SERPINH1: variants seen among roughly 807,000 people sequenced by gnomAD.
SERPINH1 encodes the protein serpin H1.
SERPINH1 carries 22 observed loss-of-function variants against 32.3 expected under a neutral mutation model. The observed-to-expected ratio is 0.68, with a 90% CI of 0.49 to 0.97. The LOEUF (loss-of-function observed/expected upper bound fraction) is 0.97. SERPINH1 is among the 50% of genes least tolerant of loss of function. The pLI, the probability that SERPINH1 is intolerant of heterozygous loss-of-function variation, is 0.00. For synonymous variants in SERPINH1, 251 were observed against 245.9 expected, an observed-to-expected ratio of 1.02 and a Z score of -0.19; for missense variants, 543 against 576.4, an observed-to-expected ratio of 0.94 and a Z score of 0.59.
chr11:75,566,435 C>T lies in SERPINH1; in HGVS notation c.86C>T (p.Ala29Val), dbSNP rs774738608. 55 of 1,611,998 alleles carry T rather than the reference C, an allele frequency of 3.4e-5. 1 individual carries two copies. The East Asian group carries it at 1.2e-3, about 34-fold the overall frequency. ...GTGAAGAAACCTGCAGCCGCAGCAG[C>T]TCCTGGCACTGCGGAGAAGTTGAGC... ...AEVKKPAAAA[A>V]PGTAEKLSPK... The change falls in exon 2 of 5, where the codon GCT (alanine) becomes GTT (valine). Residue 29 changes from alanine (A) to valine (V), a missense_variant. By Grantham distance (64) the Ala-to-Val change is moderately conservative. Transcript: ENST00000358171.
Position 75,572,769 on chromosome 11 carries a change from A to T in SERPINH1, c.*686A>T, listed in dbSNP as rs1182828572. 2 of 153,682 alleles carry T rather than the reference A, an allele frequency of 1.3e-5. No homozygotes were observed. Among genetic ancestry groups the T allele is most frequent in the Non-Finnish European group, 2.9e-5 (2 of 69,166 alleles). The allele number at this position is 153,682 out of a possible 1,614,324, so 9.5% of individuals were successfully genotyped here. A position where few individuals can be genotyped will look rare whatever the true frequency, so the allele number is the denominator to read the frequency against. ...TTTGTACATTTTTTTTTTCAATAAA[A>T]CTTTTCCAATGACATTTTGTTGGAG... On this transcript the variant is annotated 3_prime_UTR_variant, in exon 5 of 5. Coordinates refer to ENST00000358171, the MANE Select transcript of SERPINH1 (RefSeq NM_001235.5).
chr11:75,565,833 G>A (rs760337171), intron 1 of SERPINH1, among the ~76,000 whole-genome samples: 4 of 152,152 alleles, frequency 2.6e-5, no homozygotes, highest in Non-Finnish European at 4.4e-5. Flanking sequence ...TTTCTCACTG[G>A]AAAAGGGCTC....
In SERPINH1 at chr11:75,568,800, C is replaced by T. The variant is rs1218823155; in HGVS notation, c.692C>T (p.Thr231Ile). Reference sequence around the variant, plus strand: ...GGCTTCATGGTGACTCGGTCCTATACCGTGGGTGTCATGATGATGCACCGG... The same window carrying T: ...GGCTTCATGGTGACTCGGTCCTATATCGTGGGTGTCATGATGATGCACCGG... ...NRGFMVTRSY[T>I]VGVMMMHRTG... Residue 231 changes from threonine (T) to isoleucine (I), a missense_variant, in exon 3 of 5, where the codon ACC becomes ATC. This residue lies in a region of SERPINH1 where 427 missense variants were observed against 446.4 expected (regional missense o/e 0.96). Transcript: ENST00000358171. The T allele has an allele frequency of 6.2e-7, 1 of 1,613,736 alleles. No individual in the cohort carries two copies. The highest frequency in any genetic ancestry group is 1.7e-5 in the Admixed American group (1 of 59,992).
Position 75,566,902 on chromosome 11 carries a change from C to T in SERPINH1, c.553C>T (p.Leu185=). 6.2e-7 allele frequency: 1 copy of T among 1,608,466 alleles called. No homozygotes were observed. Among genetic ancestry groups the T allele is most frequent in the Non-Finnish European group, 8.5e-7 (1 of 1,179,930 alleles). ...EWAAQTTDGK[L]PEVTKDVERT... ...GGCCGCGCAGACCACCGACGGCAAG[C>T]TGCCCGAGGTCACCAAGGACGTGGA... Residue 185 remains leucine (L), a synonymous_variant, in exon 2 of 5, where the codon CTG becomes TTG. Transcript: ENST00000358171.
Position 75,566,676 on chromosome 11 carries a change from C to A in SERPINH1, c.327C>A (p.Ala109=). 1.9e-6 allele frequency: 3 copies of A among 1,608,748 alleles called. No homozygotes were observed. Among genetic ancestry groups the A allele is most frequent in the Non-Finnish European group, 2.5e-6 (3 of 1,178,218 alleles). Residue 109 remains alanine, a synonymous_variant, in exon 2 of 5, where the codon GCC becomes GCA. Transcript: ENST00000358171. ...AGCTGCGCGACGAGGAGGTGCACGC[C>A]GGCCTGGGCGAGCTGCTGCGCTCAC... ...AEQLRDEEVH[A]GLGELLRSLS...
intron 1 of SERPINH1, among the ~76,000 whole-genome samples, chr11:75,565,615 GACAC>G (rs35096125): frequency 0.77 from 117,055 of 151,550 alleles, 46,020 homozygotes; most frequent in Non-Finnish European, 0.87. Context: ...GTGGACACAG[GACAC>G]ACACACACAC....
Position 75,571,866 on chromosome 11 carries a change from A to T in SERPINH1, c.1040A>T (p.Tyr347Phe). ...CGCATGTCAGGCAAGAAGGACCTGT[A>T]CCTGGCCAGCGTGTTCCACGCCACC... is the stretch of plus-strand genomic sequence containing the variant. ...LSRMSGKKDL[Y>F]LASVFHATAF... Residue 347 changes from tyrosine (Y) to phenylalanine (F), a missense_variant, in exon 5 of 5, where the codon TAC becomes TTC. Around this residue, in one of 3 missense-constraint regions of SERPINH1, gnomAD observed 427 missense variants for 446.4 expected, o/e 0.96. Transcript: ENST00000358171. 1.2e-6 allele frequency: 2 copies of T among 1,614,196 alleles called. No individual in the cohort carries two copies. Among genetic ancestry groups the T allele is most frequent in the Non-Finnish European group, 1.7e-6 (2 of 1,180,024 alleles).
chr11:75,564,037 C>T (rs756889418), intron 1 of SERPINH1, among the ~76,000 whole-genome samples: 2 of 152,244 alleles, frequency 1.3e-5, no homozygotes, highest in Non-Finnish European at 2.9e-5. Flanking sequence ...AGTGGGGCTG[C>T]CCTTCTCCCC....
At chr11:75,563,235 G>C (rs1942009907) in intron 1 of SERPINH1, 1 of 152,314 alleles carries the variant, frequency 6.6e-6, no homozygotes, top group Non-Finnish European at 1.5e-5. Flanking sequence ...GACTGGCCCA[G>C]AGTCTCAGCC....
intron 4 of SERPINH1, among the ~76,000 whole-genome samples, chr11:75,569,995 C>T (rs1216233625): frequency 1.3e-5 from 2 of 151,494 alleles, no homozygotes; most frequent in East Asian, 1.9e-4. Context: ...TCTAGGATGG[C>T]CAGAAACTTA....
At chr11:75,569,940 G>A (rs945530037) in intron 4 of SERPINH1, among the ~76,000 whole-genome samples, 7 of 151,826 alleles carry the variant, frequency 4.6e-5, no homozygotes, top group African/African-American at 7.3e-5. Context: ...GTTTAAGCTA[G>A]AGGATTATCT....
chr11:75,569,036 T>C lies in SERPINH1; in HGVS notation c.819T>C (p.His273=), dbSNP rs1006192220. The C allele has an allele frequency of 5.0e-6, 8 of 1,614,030 alleles. No homozygotes were observed. The African/African-American group carries it at 5.3e-5, about 11-fold the overall frequency. The change falls in exon 4 of 5, where the codon CAT becomes CAC. Residue 273 remains histidine, a synonymous_variant. Coordinates refer to ENST00000358171, the MANE Select transcript of SERPINH1 (RefSeq NM_001235.5). Reference sequence around the variant, plus strand: ...CCAGCCTCATCATCCTCATGCCCCATCACGTGGAGCCTCTCGAGCGCCTTG... The same window carrying C: ...CCAGCCTCATCATCCTCATGCCCCACCACGTGGAGCCTCTCGAGCGCCTTG... ...KLSSLIILMP[H]HVEPLERLEK... is the part of the protein sequence containing the mutation.
chr11:75,571,799 G>A lies in SERPINH1; in HGVS notation c.973G>A (p.Gly325Ser). The A allele has an allele frequency of 6.2e-6, 10 of 1,613,938 alleles. No homozygotes were observed. Among genetic ancestry groups the A allele is most frequent in the Non-Finnish European group, 8.5e-6 (10 of 1,180,028 alleles). ...HDLQKHLAGL[G>S]LTEAIDKNKA... ...CCCACAGAAACACCTGGCTGGGCTG[G>A]GCCTGACTGAGGCCATTGACAAGAA... Residue 325 changes from glycine to serine, a missense_variant, in exon 5 of 5, where the codon GGC becomes AGC. Physicochemically the swap from Gly to Ser is moderately conservative, Grantham distance 56. Transcript: ENST00000358171.
chr11:75,564,522 G>A (rs1942039080), intron 1 of SERPINH1, among the ~76,000 whole-genome samples: 1 of 152,176 alleles, frequency 6.6e-6, no homozygotes, highest in South Asian at 2.1e-4. Context: ...TATTGTCCTG[G>A]CATAATAATT....
At chr11:75,565,911 ACCCTGTTTT>A (rs935673767) in intron 1 of SERPINH1, among the ~76,000 whole-genome samples, 1 of 152,120 alleles carries the variant, frequency 6.6e-6, no homozygotes, top group Non-Finnish European at 1.5e-5. Flanking sequence ...TGGCCAAGTG[ACCCTGTTTT>A]ACCTTCGTTC....
intron 2 of SERPINH1, 180 bp from the exon 3 acceptor site, chr11:75,568,551 C>T: frequency 4.5e-6 from 3 of 667,724 alleles, no homozygotes; most frequent in East Asian, 2.7e-5. Flanking sequence ...GCCAAGACCC[C>T]TTCCCAAAGC....
In SERPINH1 at chr11:75,572,713, G is replaced by A. The variant is rs1437497451; in HGVS notation, c.*630G>A. On this transcript the variant is annotated 3_prime_UTR_variant, in exon 5 of 5. Coordinates refer to ENST00000358171, the MANE Select transcript of SERPINH1 (RefSeq NM_001235.5). ...AAGATAGGGAGGGAAGGGGGAACAT[G>A]AGCCTTTGTTGCTATCAATCCAAGA... The A allele has an allele frequency of 3.2e-5, 5 of 156,230 alleles. No homozygotes were observed. Among genetic ancestry groups the A allele is most frequent in the African/African-American group, 9.7e-5 (4 of 41,450 alleles). 9.7% of individuals were successfully genotyped at this position (156,230 alleles called of 1,614,324 possible).
intron 1 of SERPINH1, among the ~76,000 whole-genome samples, chr11:75,564,231 C>A (rs948084899): frequency 2.0e-5 from 3 of 152,258 alleles, no homozygotes; most frequent in African/African-American, 7.2e-5. Flanking sequence ...TGCCACGTCA[C>A]CACCAGGAGC....
Position 75,566,684 on chromosome 11 carries a change from G to C in SERPINH1, c.335G>C (p.Gly112Ala). Residue 112 changes from glycine (G) to alanine (A), a missense_variant, in exon 2 of 5, where the codon GGC (glycine) becomes GCC (alanine). By Grantham distance (60) the Gly-to-Ala change is moderately conservative. Coordinates refer to ENST00000358171, the MANE Select transcript of SERPINH1 (RefSeq NM_001235.5). ...LRDEEVHAGLGELLRSLSNST... is the reference protein window; with the variant it reads ...LRDEEVHAGLAELLRSLSNST... ...GACGAGGAGGTGCACGCCGGCCTGG[G>C]CGAGCTGCTGCGCTCACTCAGCAAC... is the stretch of plus-strand genomic sequence containing the variant. 1 of 1,609,460 alleles carries C rather than the reference G, an allele frequency of 6.2e-7. No homozygotes were observed. Among genetic ancestry groups the C allele is most frequent in the Non-Finnish European group, 8.5e-7 (1 of 1,178,484 alleles).
Sources: gnomAD v4.1 joint callset for allele counts (sites outside exome capture counted in the v4.1 genomes callset) on GRCh38, gnomAD v4.1.1 for gene constraint, gnomAD v4.1.1 regional missense constraint, MANE v1.5 for transcripts, NCBI Gene and HGNC (gene_info 2026-07-23, HGNC 2026-07-21) for gene names.